The following RRAGC variants were observed in gnomAD, a reference collection of about 807,000 sequenced individuals.
RRAGC encodes ras-related GTP-binding protein C.
In RRAGC, 8 loss-of-function variants were observed where a neutral mutation model predicts 37.1. That is an observed-to-expected ratio of 0.22 (90% CI 0.13 to 0.39). The LOEUF is 0.39. RRAGC is among the 10% of genes least tolerant of loss of function. The pLI is 1.00. For missense variants in RRAGC, 342 were observed against 497.6 expected, an observed-to-expected ratio of 0.69 and a Z score of 2.98; for synonymous variants, 190 against 181.1, an observed-to-expected ratio of 1.05 and a Z score of -0.39.
intron 1 of RRAGC, 81 bp downstream of exon 1, chr1:38,859,329 C>T: frequency 7.6e-7 from 1 of 1,314,854 alleles, no homozygotes; most frequent in Admixed American, 2.3e-5. Context: ...CGGGCCCCGG[C>T]CGCCGCCCTC....
At chr1:38,845,869 T>G in intron 6 of RRAGC, 70 bp downstream of exon 6, 1 of 1,333,874 alleles carries the variant, frequency 7.5e-7, no homozygotes, top group Non-Finnish European at 1.0e-6. Flanking sequence ...TTATTTTCAC[T>G]TGTTTTCAAG....
intron 3 of RRAGC, among the ~76,000 whole-genome samples, chr1:38,855,134 C>A (rs936755091): frequency 2.0e-5 from 3 of 152,068 alleles, no homozygotes; most frequent in Non-Finnish European, 4.4e-5. Flanking sequence ...CCCACCTAAG[C>A]CAAACTTTAT....
At chr1:38,840,844 C>G (rs980792634) in intron 6 of RRAGC, among the ~76,000 whole-genome samples, 2 of 152,130 alleles carry the variant, frequency 1.3e-5, no homozygotes, top group African/African-American at 4.8e-5. Context: ...AGAAAAGAAA[C>G]AAACTATAAA....
rs372379678 is a variant in RRAGC, at chr1:38,843,738, G to C, written c.1048+2201C>G. The stretch of plus-strand genomic sequence containing the variant: ...GTCTCAAAAAAAAAAAAAAAACTCA[G>C]GTAGAAGAGGAAGGACTTGTTGCAG... On this transcript the variant is annotated intron_variant, in intron 6 of 6. Coordinates refer to ENST00000373001, the MANE Select transcript of RRAGC (RefSeq NM_022157.4). Among the ~76,000 whole-genome samples, 123 of 150,886 alleles carry C rather than the reference G, an allele frequency of 8.2e-4. 3 individuals are homozygous for C. In the South Asian group the frequency reaches 0.024, roughly 30 times the overall value.
At chr1:38,845,901 G>A in intron 6 of RRAGC, 38 bp downstream of exon 6, 1 of 1,538,136 alleles carries the variant, frequency 6.5e-7, no homozygotes. Context: ...TTATGGCAAA[G>A]AAATTAACAT....
intron 3 of RRAGC, chr1:38,852,766 C>G (rs989866104): frequency 5.2e-6 from 1 of 191,004 alleles, no homozygotes; most frequent in African/African-American, 2.3e-5. Context: ...TCTTTGCAAT[C>G]TGATCCAAAA....
chr1:38,851,792 T>C (rs751908255), intron 4 of RRAGC, 35 bp from the exon 5 acceptor site: 19 of 1,572,874 alleles, frequency 1.2e-5, no homozygotes, highest in Non-Finnish European at 1.6e-5. Context: ...TTCAGTATTT[T>C]TTAAGAATCA....
At chr1:38,850,242 G>A (rs1642082650) in intron 5 of RRAGC, among the ~76,000 whole-genome samples, 1 of 151,624 alleles carries the variant, frequency 6.6e-6, no homozygotes, top group Non-Finnish European at 1.5e-5. Flanking sequence ...CAGGTGCGGT[G>A]GCTCACACCT....
intron 6 of RRAGC, 32 bp downstream of exon 6, chr1:38,845,907 A>G: frequency 1.3e-6 from 2 of 1,557,778 alleles, no homozygotes; most frequent in African/African-American, 1.4e-5. Context: ...CAAAGAAATT[A>G]ACATAAAAAC....
chr1:38,856,754 C>A (rs1266408339), intron 2 of RRAGC, 125 bp downstream of exon 2: 9 of 838,414 alleles, frequency 1.1e-5, no homozygotes, highest in Non-Finnish European at 1.7e-5. Flanking sequence ...GCATCTCTTA[C>A]ACTGTTAGGG....
intron 3 of RRAGC, among the ~76,000 whole-genome samples, chr1:38,854,446 C>T (rs558039251): frequency 5.9e-5 from 9 of 152,268 alleles, no homozygotes; most frequent in Admixed American, 1.3e-4. Flanking sequence ...AAAGGGATGG[C>T]ATGTACCACT....
rs1017776824 is a variant in RRAGC, at chr1:38,859,693, C to A, written c.-47G>T. Reference sequence around the variant, plus strand: ...CGCGCCCTGACAGGCCAGGCCAGGCCGAGCCAGGCCGCCGCCTCCCCAGTC... The same window carrying A: ...CGCGCCCTGACAGGCCAGGCCAGGCAGAGCCAGGCCGCCGCCTCCCCAGTC... On this transcript the variant is annotated 5_prime_UTR_variant, in exon 1 of 7. Transcript: ENST00000373001. 2 of 1,376,596 alleles carry A rather than the reference C, an allele frequency of 1.5e-6. No individual in the cohort carries two copies. Among genetic ancestry groups the A allele is most frequent in the Non-Finnish European group, 1.9e-6 (2 of 1,063,482 alleles). The allele number at this position is 1,376,596 out of a possible 1,614,324, so 85.3% of individuals were successfully genotyped here. A position where few individuals can be genotyped will look rare whatever the true frequency, so the allele number is the denominator to read the frequency against.
chr1:38,857,791 C>T (rs1032431480), intron 1 of RRAGC, among the ~76,000 whole-genome samples: 1 of 152,154 alleles, frequency 6.6e-6, no homozygotes, highest in African/African-American at 2.4e-5. Context: ...GAAACCCCAT[C>T]CCCACTAAAA....
At chr1:38,847,845 C>T (rs1226060188) in intron 5 of RRAGC, 1 of 152,080 alleles carries the variant, frequency 6.6e-6, no homozygotes, top group African/African-American at 2.4e-5. Context: ...AGTTCAAAAC[C>T]AGTCTGGGCA....
intron 4 of RRAGC, 126 bp downstream of exon 4, chr1:38,852,248 G>T: frequency 3.0e-6 from 2 of 663,448 alleles, no homozygotes; most frequent in East Asian, 2.7e-5. Context: ...CATGTTAAGT[G>T]GGTCACTAGT....
intron 6 of RRAGC, 93 bp from the exon 7 acceptor site, chr1:38,839,797 C>G: frequency 7.8e-7 from 1 of 1,283,238 alleles, no homozygotes; most frequent in Non-Finnish European, 1.1e-6. Context: ...CGGATAAACA[C>G]TGGTTGGAAA....
Position 38,859,715 on chromosome 1 carries a change from A to T in RRAGC, c.-69T>A. 1 of 1,212,448 alleles carries T rather than the reference A, an allele frequency of 8.2e-7. No individual in the cohort carries two copies. Among genetic ancestry groups the T allele is most frequent in the East Asian group, 3.2e-5 (1 of 31,168 alleles). 75.1% of individuals were successfully genotyped at this position (1,212,448 alleles called of 1,614,324 possible). On this transcript the variant is annotated 5_prime_UTR_variant, in exon 1 of 7. Coordinates refer to ENST00000373001, the MANE Select transcript of RRAGC (RefSeq NM_022157.4). ...GGCCGAGCCAGGCCGCCGCCTCCCC[A>T]GTCCGCCTCCGCCGCCGCCGCCACC...
chr1:38,844,860 G>A (rs1427894525), intron 6 of RRAGC, among the ~76,000 whole-genome samples: 1 of 152,038 alleles, frequency 6.6e-6, no homozygotes, highest in Admixed American at 6.6e-5. Flanking sequence ...TGCAGCCAAC[G>A]AATATATGAA....
chr1:38,858,271 T>C (rs1642191763), intron 1 of RRAGC, among the ~76,000 whole-genome samples: 1 of 152,196 alleles, frequency 6.6e-6, no homozygotes, highest in Non-Finnish European at 1.5e-5. Flanking sequence ...AGATTTATTT[T>C]GGATAGGCCT....
Sources: allele counts gnomAD v4.1 joint callset (sites outside exome capture counted in the v4.1 genomes callset), GRCh38; gene constraint gnomAD v4.1.1; transcripts MANE v1.5; gene names NCBI Gene and HGNC (gene_info 2026-07-23, HGNC 2026-07-21).